XIRP2: variants seen among roughly 807,000 people sequenced by gnomAD.
XIRP2 encodes the protein xin actin-binding repeat-containing protein 2.
A neutral mutation model predicts 277.0 loss-of-function variants in XIRP2; 236 were observed. The observed-to-expected ratio is 0.85, with a 90% CI of 0.77 to 0.95. The LOEUF is 0.95. XIRP2 is among the 40% of genes least tolerant of loss of function. The pLI is 0.00. For synonymous variants in XIRP2, 1,490 were observed against 1,416.5 expected, an observed-to-expected ratio of 1.05 and a Z score of -1.17; for missense variants, 4,640 against 4,157.5, an observed-to-expected ratio of 1.12 and a Z score of -3.19.
At chr2:167,130,818 G>A (rs1221917494) in intron 2 of XIRP2, among the ~76,000 whole-genome samples, 3 of 151,810 alleles carry the variant, frequency 2.0e-5, no homozygotes, top group South Asian at 2.1e-4. Context: ...TCACAAAACC[G>A]CTCCCTGGCT....
At chr2:166,999,269 A>C (rs377462947) in intron 2 of XIRP2, among the ~76,000 whole-genome samples, 1 of 152,186 alleles carries the variant, frequency 6.6e-6, no homozygotes, top group African/African-American at 2.4e-5. Context: ...AAAACTTGAA[A>C]ATATATCTCA....
At chr2:167,119,674 C>T (rs1690997962) in intron 2 of XIRP2, among the ~76,000 whole-genome samples, 1 of 152,180 alleles carries the variant, frequency 6.6e-6, no homozygotes, top group South Asian at 2.1e-4. Flanking sequence ...GTAGATTATG[C>T]ATGATGCCCA....
In XIRP2 at chr2:167,238,344, G is replaced by T. The variant is rs556848738; in HGVS notation, c.859-1511G>T. On this transcript the variant is annotated intron_variant, in intron 5 of 10. Transcript: ENST00000409195. ...AATGAGATACAATCTACATTTAAAC[G>T]TGTAAGTCCATATTTTGTCTTTGGC... Among the ~76,000 whole-genome samples, 7 of 152,142 alleles carry T rather than the reference G, an allele frequency of 4.6e-5. No individual in the cohort carries two copies. In the East Asian group the frequency reaches 1.2e-3, roughly 25 times the overall value.
In XIRP2 at chr2:167,249,208, A is replaced by C; in HGVS notation, c.7816A>C (p.Thr2606Pro). The C allele has an allele frequency of 6.2e-7, 1 of 1,613,774 alleles. No homozygotes were observed. Among genetic ancestry groups the C allele is most frequent in the Non-Finnish European group, 8.5e-7 (1 of 1,179,798 alleles). The change falls in exon 9 of 11, where the codon ACT becomes CCT. Residue 2606 changes from threonine to proline, a missense_variant. Thr to Pro is a conservative substitution (Grantham distance 38). Transcript: ENST00000409195. ...CCTATCTGGAATTGATTCAGAATGCACTGTGGTTCAACCCAGCCCAGGCTC... is the reference window on the plus strand; with the variant it reads ...CCTATCTGGAATTGATTCAGAATGCCCTGTGGTTCAACCCAGCCCAGGCTC... ...VSLSGIDSECTVVQPSPGSQS... is the reference protein window; with the variant it reads ...VSLSGIDSECPVVQPSPGSQS...
intron 2 of XIRP2, among the ~76,000 whole-genome samples, chr2:167,064,373 T>G (rs186625919): frequency 4.3e-4 from 65 of 152,038 alleles, no homozygotes; most frequent in East Asian, 5.8e-4. Flanking sequence ...ATAAGAATTT[T>G]ATAGCGCATA....
chr2:167,032,306 G>A (rs1401419498), intron 2 of XIRP2, among the ~76,000 whole-genome samples: 1 of 151,114 alleles, frequency 6.6e-6, no homozygotes, highest in South Asian at 2.1e-4. Context: ...AATTAAGGTG[G>A]ATTAAAGACT....
intron 2 of XIRP2, among the ~76,000 whole-genome samples, chr2:167,119,940 C>G (rs1691005836): frequency 2.0e-5 from 3 of 152,116 alleles, no homozygotes; most frequent in Non-Finnish European, 4.4e-5. Flanking sequence ...TATGGATAAT[C>G]CACTTAGAGG....
Position 167,247,620 on chromosome 2 carries a change from T to A in XIRP2, c.6228T>A (p.Asp2076Glu), listed in dbSNP as rs1695320480. Residue 2076 changes from aspartate to glutamate, a missense_variant, in exon 9 of 11, where the codon GAT becomes GAA. Coordinates refer to ENST00000409195, the MANE Select transcript of XIRP2 (RefSeq NM_152381.6). ...TDTTGEQHLR[D>E]EYMSRQLTST... The stretch of plus-strand genomic sequence containing the variant: ...CTACAGGAGAACAGCATCTTAGAGA[T>A]GAATATATGAGCAGACAATTAACTT... The A allele has an allele frequency of 3.7e-6, 6 of 1,613,456 alleles. No individual in the cohort carries two copies. Among genetic ancestry groups the A allele is most frequent in the African/African-American group, 1.3e-5 (1 of 74,838 alleles).
In XIRP2 at chr2:167,176,258, G is replaced by A. The variant is rs531945554; in HGVS notation, c.563-34477G>A. Among the ~76,000 whole-genome samples, 5 of 152,260 alleles carry A rather than the reference G, an allele frequency of 3.3e-5. No homozygotes were observed. The South Asian group carries it at 1.0e-3, about 32-fold the overall frequency. On this transcript the variant is annotated intron_variant, in intron 3 of 10. Coordinates refer to ENST00000409195, the MANE Select transcript of XIRP2 (RefSeq NM_152381.6). ...GAAGGGCCTTCTCTTGGCCAGGGGA[G>A]GGAGTTCTTGACCCCTTACACTTCC...
At chr2:167,035,999 G>T (rs1688497062) in intron 2 of XIRP2, among the ~76,000 whole-genome samples, 1 of 152,190 alleles carries the variant, frequency 6.6e-6, no homozygotes, top group Non-Finnish European at 1.5e-5. Context: ...TTGACCCCTT[G>T]GGTACACAGA....
At chr2:167,004,396 A>C (rs1687451964) in intron 2 of XIRP2, among the ~76,000 whole-genome samples, 1 of 151,918 alleles carries the variant, frequency 6.6e-6, no homozygotes, top group Non-Finnish European at 1.5e-5. Flanking sequence ...TTTTATTAAA[A>C]ACTATTTGCC....
At chr2:166,892,383 C>T (rs1192051893) in intron 1 of XIRP2, among the ~76,000 whole-genome samples, 1 of 152,048 alleles carries the variant, frequency 6.6e-6, no homozygotes, top group Non-Finnish European at 1.5e-5. Flanking sequence ...GTAGAAATCA[C>T]AGAAACAATG....
chr2:167,014,853 T>C (rs1173500108), intron 2 of XIRP2, among the ~76,000 whole-genome samples: 2 of 151,822 alleles, frequency 1.3e-5, no homozygotes, highest in Admixed American at 1.3e-4. Context: ...TGCTTAAGGT[T>C]ACATGGCTAA....
intron 2 of XIRP2, among the ~76,000 whole-genome samples, chr2:166,964,639 A>T (rs1309268085): frequency 6.6e-6 from 1 of 151,818 alleles, no homozygotes; most frequent in Non-Finnish European, 1.5e-5. Flanking sequence ...CCTAATACAC[A>T]TATGTCCATC....
chr2:166,924,152 C>T (rs976544710), intron 2 of XIRP2, among the ~76,000 whole-genome samples: 3 of 151,934 alleles, frequency 2.0e-5, no homozygotes, highest in East Asian at 1.9e-4. Flanking sequence ...GTGGGCTCAT[C>T]GGGAATACAT....
At chr2:167,128,616 C>G (rs1267495576) in intron 2 of XIRP2, among the ~76,000 whole-genome samples, 2 of 152,102 alleles carry the variant, frequency 1.3e-5, no homozygotes, top group African/African-American at 4.8e-5. Flanking sequence ...TTTCACACAG[C>G]TGACAGATAT....
intron 2 of XIRP2, among the ~76,000 whole-genome samples, chr2:167,077,678 C>T (rs1251308907): frequency 2.0e-5 from 3 of 152,110 alleles, no homozygotes; most frequent in Admixed American, 1.3e-4. Context: ...ATGGTTCTAC[C>T]ATACAGAACA....
chr2:167,143,086 G>A (rs1189294647), intron 3 of XIRP2, among the ~76,000 whole-genome samples: 1 of 152,148 alleles, frequency 6.6e-6, no homozygotes, highest in African/African-American at 2.4e-5. Context: ...ATTCTTTTCG[G>A]TATCAGAGGC....
intron 5 of XIRP2, among the ~76,000 whole-genome samples, chr2:167,237,060 T>C (rs1177208573): frequency 6.6e-6 from 1 of 152,138 alleles, no homozygotes; most frequent in Non-Finnish European, 1.5e-5. Flanking sequence ...GATGCTAACA[T>C]ACCAAACTAG....
Sources: allele counts gnomAD v4.1 joint callset (sites outside exome capture counted in the v4.1 genomes callset), GRCh38; gene constraint gnomAD v4.1.1; transcripts MANE v1.5; gene names NCBI Gene and HGNC (gene_info 2026-07-23, HGNC 2026-07-21).